MED15: variants seen among roughly 807,000 people sequenced by gnomAD.
MED15 encodes mediator of RNA polymerase II transcription subunit 15.
A neutral mutation model predicts 118.7 loss-of-function variants in MED15; 41 were observed. The ratio of observed to expected loss-of-function variants is 0.35; its 90% CI spans 0.27 to 0.45. MED15 has a LOEUF of 0.45. MED15 is among the 20% of genes least tolerant of loss of function. The pLI, the probability that MED15 is intolerant of heterozygous loss-of-function variation, is 1.00. For missense variants in MED15, 740 were observed against 1,025.5 expected (o/e 0.72, Z 3.80); for synonymous variants, 436 against 413.9 (o/e 1.05, Z -0.65).
At position 20,582,733 on chromosome 22, in the gene MED15, C is replaced by T. The variant is rs2057025725; in HGVS notation, c.1395C>T (p.Pro465=). Residue 465 remains proline, a synonymous_variant, in exon 10 of 18, where the codon CCC becomes CCT. Transcript: ENST00000263205. ...SPQPGQPSSQ[P]NSNVSSGPAP... is the part of the protein sequence containing the mutation. The stretch of plus-strand genomic sequence containing the variant: ...AGCCCGGCCAGCCCAGCTCACAGCC[C>T]AACTCCAACGTCAGGTAGGCCTGGC... The T allele has an allele frequency of 6.3e-7, 1 of 1,592,060 alleles. No homozygotes were observed. The highest frequency in any genetic ancestry group is 8.5e-7 in the Non-Finnish European group (1 of 1,174,426).
chr22:20,552,731 C>T, intron 3 of MED15: 1 of 281,088 alleles, frequency 3.6e-6, no homozygotes, highest in Non-Finnish European at 7.3e-6. Flanking sequence ...ACTGCCTCAC[C>T]AGAGTGGGCT....
At chr22:20,550,942 G>A (rs1207394594) in intron 2 of MED15, 1 of 353,944 alleles carries the variant, frequency 2.8e-6, no homozygotes, top group Non-Finnish European at 5.6e-6. Context: ...GCCAGGGGAG[G>A]GCCGCCCAGA....
chr22:20,568,032 G>T (rs2056506584), intron 7 of MED15, among the ~76,000 whole-genome samples: 1 of 152,184 alleles, frequency 6.6e-6, no homozygotes, highest in Admixed American at 6.5e-5. Flanking sequence ...GTAGATATGG[G>T]GTTTGGCCGT....
At position 20,570,746 on chromosome 22, in the gene MED15, C is replaced by CTTTTTTTTTT. The variant is rs61109389; in HGVS notation, c.1152+2136_1152+2145dup. 1.1e-3 allele frequency among the ~76,000 whole-genome samples: 71 copies of CTTTTTTTTTT among 62,106 alleles called. 8 individuals carry two copies. Among genetic ancestry groups the CTTTTTTTTTT allele is most frequent in the African/African-American group, 4.3e-3 (59 of 13,694 alleles). 40.7% of individuals were successfully genotyped at this position (62,106 alleles called of 152,430 possible). A position where few individuals can be genotyped will look rare whatever the true frequency, so the allele number is the denominator to read the frequency against. ...TTTTCTTTTCTTTCTTTCTTTCTTT[C>CTTTTTTTTTT]TTTTTTTTTTTTTTTTTTTTTTTTT... On this transcript the variant is annotated intron_variant, in intron 8 of 17. Transcript: ENST00000263205.
chr22:20,507,869 G>T, intron 1 of MED15, 123 bp downstream of exon 1: 1 of 1,515,142 alleles, frequency 6.6e-7, no homozygotes, highest in South Asian at 1.2e-5. Flanking sequence ...CCGGGGACTT[G>T]CGTGGGTCCC....
intron 1 of MED15, among the ~76,000 whole-genome samples, chr22:20,530,876 G>C (rs1238326393): frequency 6.6e-6 from 1 of 152,166 alleles, no homozygotes; most frequent in Non-Finnish European, 1.5e-5. Context: ...TGCTGAGGAG[G>C]GGGCAACAAT....
intron 1 of MED15, chr22:20,524,136 TAC>T (rs967143067): frequency 2.0e-5 from 3 of 152,372 alleles, no homozygotes; most frequent in African/African-American, 7.2e-5. Context: ...AGGAAAAAGT[TAC>T]AGTTTGTTTG....
At chr22:20,541,481 A>T (rs1268986635) in intron 2 of MED15, among the ~76,000 whole-genome samples, 1 of 152,078 alleles carries the variant, frequency 6.6e-6, no homozygotes, top group African/African-American at 2.4e-5. Context: ...AGATGTAGAG[A>T]AATTGGAATT....
intron 2 of MED15, among the ~76,000 whole-genome samples, chr22:20,548,150 G>GC (rs1215954649): frequency 6.7e-6 from 1 of 149,848 alleles, no homozygotes; most frequent in Non-Finnish European, 1.5e-5. Flanking sequence ...GCTTTGATTT[G>GC]TTTTTTTTGT....
chr22:20,583,592 C>T lies in MED15; in HGVS notation c.1736+199C>T, dbSNP rs1242469320. On this transcript the variant is annotated intron_variant, in intron 13 of 17. Transcript: ENST00000263205. ...CATCTTGGCCCATGCCCAGCCTTTG[C>T]CCTATTCCTGGCTGCTGCTGTGGCC... is the stretch of plus-strand genomic sequence containing the variant. 1.1e-5 allele frequency: 7 copies of T among 631,186 alleles called. 1 individual carries two copies. In the Admixed American group the frequency reaches 1.8e-4, roughly 16 times the overall value. The allele number at this position is 631,186 out of a possible 1,614,324, so 39.1% of individuals were successfully genotyped here. A position where few individuals can be genotyped will look rare whatever the true frequency, so the allele number is the denominator to read the frequency against.
chr22:20,572,073 G>A (rs893946221), intron 8 of MED15, among the ~76,000 whole-genome samples: 3 of 152,172 alleles, frequency 2.0e-5, no homozygotes, highest in African/African-American at 4.8e-5. Flanking sequence ...TCTTGTTCTT[G>A]GACCTTGTAA....
At chr22:20,559,993 G>A (rs2056170788) in intron 5 of MED15, among the ~76,000 whole-genome samples, 2 of 152,192 alleles carry the variant, frequency 1.3e-5, no homozygotes, top group Non-Finnish European at 2.9e-5. Flanking sequence ...CCACCACAGG[G>A]GATATTTGAC....
At chr22:20,571,000 T>C (rs1004801248) in intron 8 of MED15, among the ~76,000 whole-genome samples, 1 of 152,128 alleles carries the variant, frequency 6.6e-6, no homozygotes, top group African/African-American at 2.4e-5. Context: ...CTTCAAGTGA[T>C]CCACCTGCCT....
At chr22:20,523,603 T>TGTGA in intron 1 of MED15, 1 of 941,126 alleles carries the variant, frequency 1.1e-6, no homozygotes, top group South Asian at 4.9e-5. Flanking sequence ...CACAGAGCCA[T>TGTGA]GTGAGATCAG....
At chr22:20,541,809 C>A (rs2055326225) in intron 2 of MED15, among the ~76,000 whole-genome samples, 1 of 152,128 alleles carries the variant, frequency 6.6e-6, no homozygotes, top group Non-Finnish European at 1.5e-5. Context: ...GCCACCATGC[C>A]CAGCTAATTT....
intron 1 of MED15, among the ~76,000 whole-genome samples, chr22:20,518,435 C>T (rs1024110528): frequency 1.1e-4 from 16 of 152,284 alleles, no homozygotes; most frequent in African/African-American, 3.9e-4. Context: ...GCTGTAGTGT[C>T]TGGCTCTTCC....
At chr22:20,530,846 A>G (rs923334178) in intron 1 of MED15, among the ~76,000 whole-genome samples, 1 of 152,176 alleles carries the variant, frequency 6.6e-6, no homozygotes, top group Non-Finnish European at 1.5e-5. Context: ...GGAGCTGCAC[A>G]TGCTCATTGG....
chr22:20,537,936 T>C lies in MED15; in HGVS notation c.156+732T>C, dbSNP rs141071437. 6.6e-4 allele frequency among the ~76,000 whole-genome samples: 100 copies of C among 152,274 alleles called. No homozygotes were observed. The East Asian group carries it at 0.017, about 26-fold the overall frequency. ...AAGTGGGATAGAGTGGGCTCTGTAT[T>C]ATGGATACGTGTCACTGAGGTGGGG... On this transcript the variant is annotated intron_variant, in intron 2 of 17. Coordinates refer to ENST00000263205, the MANE Select transcript of MED15 (RefSeq NM_001003891.3).
chr22:20,509,023 A>C (rs1601419955), intron 1 of MED15, among the ~76,000 whole-genome samples: 2 of 152,250 alleles, frequency 1.3e-5, no homozygotes, highest in Admixed American at 1.3e-4. Context: ...TGAGTAGGTG[A>C]CGAATAAATT....
Sources: allele counts gnomAD v4.1 joint callset (sites outside exome capture counted in the v4.1 genomes callset), GRCh38; gene constraint gnomAD v4.1.1; transcripts MANE v1.5; gene names NCBI Gene and HGNC (gene_info 2026-07-23, HGNC 2026-07-21).